The following CHRM3 variants were observed in gnomAD, a reference collection of about 807,000 sequenced individuals.
The protein encoded by CHRM3 is cholinergic receptor muscarinic 3.
Under a neutral mutation model 41.8 loss-of-function variants are expected in CHRM3, and 11 were observed. The ratio of observed to expected loss-of-function variants is 0.26; its 90% CI spans 0.17 to 0.44. The LOEUF (loss-of-function observed/expected upper bound fraction) is 0.44. Ranked by LOEUF, CHRM3 falls within the 20% of genes least tolerant of loss-of-function variation. The probability of loss-of-function intolerance (pLI) is 1.00; values close to 1 mark genes in which losing one functional copy is unlikely to be tolerated. For missense variants in CHRM3, 571 were observed against 745.4 expected (o/e 0.77, Z 2.72); for synonymous variants, 297 against 301.4 (o/e 0.99, Z 0.15).
chr1:239,884,938 A>G (rs571620042), intron 6 of CHRM3, among the ~76,000 whole-genome samples: 1 of 152,302 alleles, frequency 6.6e-6, no homozygotes, highest in Admixed American at 6.5e-5. Context: ...TGCCTTACAG[A>G]TGGACGACAT....
At chr1:239,823,495 G>A (rs1401410024) in intron 5 of CHRM3, among the ~76,000 whole-genome samples, 6 of 151,986 alleles carry the variant, frequency 3.9e-5, no homozygotes, top group Non-Finnish European at 7.4e-5. Flanking sequence ...TATGCATTTC[G>A]TTCATTCAGC....
intron 5 of CHRM3, among the ~76,000 whole-genome samples, chr1:239,698,477 C>G (rs1001153903): frequency 1.3e-5 from 2 of 152,170 alleles, no homozygotes. Flanking sequence ...GAATTCTACT[C>G]AAACACTTCA....
At chr1:239,856,596 G>T (rs944536791) in intron 6 of CHRM3, among the ~76,000 whole-genome samples, 6 of 152,074 alleles carry the variant, frequency 3.9e-5, no homozygotes, top group Admixed American at 1.3e-4. Flanking sequence ...CCAGTCTTGG[G>T]TAGTTCTTTA....
intron 6 of CHRM3, among the ~76,000 whole-genome samples, chr1:239,903,403 C>A (rs1238402636): frequency 2.0e-5 from 3 of 152,052 alleles, no homozygotes; most frequent in Non-Finnish European, 4.4e-5. Context: ...CATCTCTTAC[C>A]TGGGGGTGAG....
At chr1:239,662,105 A>ATGTGTGTGTGTGTGTGTG (rs57202092) in intron 4 of CHRM3, among the ~76,000 whole-genome samples, 2 of 144,742 alleles carry the variant, frequency 1.4e-5, no homozygotes, top group African/African-American at 5.1e-5. Context: ...TCAGTTTTAG[A>ATGTGTGTGTGTGTGTGTG]TGTGTGTGTG....
At chr1:239,489,467 A>G (rs1261011029) in intron 1 of CHRM3, among the ~76,000 whole-genome samples, 1 of 152,080 alleles carries the variant, frequency 6.6e-6, no homozygotes, top group Non-Finnish European at 1.5e-5. Flanking sequence ...CATTCTTGGT[A>G]TCACTTACAG....
At chr1:239,884,803 C>T (rs905103296) in intron 6 of CHRM3, among the ~76,000 whole-genome samples, 3 of 152,064 alleles carry the variant, frequency 2.0e-5, no homozygotes, top group African/African-American at 7.2e-5. Flanking sequence ...TTAAAAAAGT[C>T]GTAAAGTTTT....
chr1:239,408,537 A>AC (rs1660814802), intron 1 of CHRM3, among the ~76,000 whole-genome samples: 3 of 151,466 alleles, frequency 2.0e-5, no homozygotes, highest in Admixed American at 2.0e-4. Flanking sequence ...AAAAAAAAAA[A>AC]AAAAAAACTC....
chr1:239,441,646 A>C (rs1318310403), intron 1 of CHRM3, among the ~76,000 whole-genome samples: 1 of 152,230 alleles, frequency 6.6e-6, no homozygotes, highest in Non-Finnish European at 1.5e-5. Flanking sequence ...GACAATGTAA[A>C]TGTTAACTCA....
chr1:239,406,793 G>A (rs775174292), intron 1 of CHRM3, among the ~76,000 whole-genome samples: 6 of 152,162 alleles, frequency 3.9e-5, no homozygotes, highest in Admixed American at 2.0e-4. Context: ...TTATAAGGCA[G>A]CTAGGTTCAG....
intron 5 of CHRM3, among the ~76,000 whole-genome samples, chr1:239,750,771 C>T (rs1665742644): frequency 1.3e-5 from 2 of 152,218 alleles, no homozygotes; most frequent in Admixed American, 1.3e-4. Context: ...TAAATTCTCT[C>T]TTACAATGTA....
chr1:239,491,492 C>T (rs1667550190), intron 1 of CHRM3, among the ~76,000 whole-genome samples: 1 of 152,242 alleles, frequency 6.6e-6, no homozygotes, highest in South Asian at 2.1e-4. Context: ...CTTCTCCAAG[C>T]TCCATGTTGC....
At chr1:239,730,132 C>A (rs560888888) in intron 5 of CHRM3, among the ~76,000 whole-genome samples, 1 of 151,810 alleles carries the variant, frequency 6.6e-6, no homozygotes, top group Admixed American at 6.6e-5. Flanking sequence ...CAGTTTTCAA[C>A]AAAAATATGT....
At chr1:239,597,858 G>GTTT (rs35067421) in intron 3 of CHRM3, among the ~76,000 whole-genome samples, 74,396 of 120,704 alleles carry the variant, frequency 0.62, 27,074 homozygotes, top group East Asian at 0.81. Context: ...AACTGTCAGA[G>GTTT]TTTTTTTTTT....
At chr1:239,885,268 T>C (rs1572591955) in intron 6 of CHRM3, among the ~76,000 whole-genome samples, 1 of 152,320 alleles carries the variant, frequency 6.6e-6, no homozygotes, top group Non-Finnish European at 1.5e-5. Context: ...AGCGTGCATC[T>C]GAATCACCTG....
At chr1:239,746,978 G>A (rs1227510355) in intron 5 of CHRM3, among the ~76,000 whole-genome samples, 1 of 151,844 alleles carries the variant, frequency 6.6e-6, no homozygotes. Context: ...GGATGGTCTT[G>A]ATCTCTTGAC....
At chr1:239,411,593 C>A (rs919574936) in intron 1 of CHRM3, among the ~76,000 whole-genome samples, 3 of 151,716 alleles carry the variant, frequency 2.0e-5, no homozygotes, top group Non-Finnish European at 2.9e-5. Flanking sequence ...GGCCTGGTGG[C>A]ATGCACATAC....
chr1:239,442,142 T>A (rs1161549132), intron 1 of CHRM3, among the ~76,000 whole-genome samples: 1 of 110,574 alleles, frequency 9.0e-6, no homozygotes, highest in Admixed American at 8.2e-5. Flanking sequence ...TAAATATACG[T>A]TAGGTTTTTT....
intron 3 of CHRM3, among the ~76,000 whole-genome samples, chr1:239,559,238 A>G (rs866958644): frequency 1.3e-5 from 2 of 152,102 alleles, no homozygotes; most frequent in Non-Finnish European, 1.5e-5. Flanking sequence ...TATAGGAGCT[A>G]TTGGTAACCA....
Sources: allele counts gnomAD v4.1 joint callset (sites outside exome capture counted in the v4.1 genomes callset), GRCh38; gene constraint gnomAD v4.1.1; transcripts MANE v1.5; gene names NCBI Gene and HGNC (gene_info 2026-07-23, HGNC 2026-07-21).